The following RBBP7 variants were observed in gnomAD, a reference collection of about 807,000 sequenced individuals.
The protein encoded by RBBP7 is histone-binding protein RBBP7.
RBBP7 carries 5 observed loss-of-function variants against 35.2 expected under a neutral mutation model. The ratio of observed to expected loss-of-function variants is 0.14; its 90% CI spans 0.07 to 0.30. The LOEUF is 0.30. RBBP7 is among the 10% of genes least tolerant of loss of function. The probability of loss-of-function intolerance (pLI) is 1.00; values close to 1 mark genes in which losing one functional copy is unlikely to be tolerated. For missense variants in RBBP7, 155 were observed against 327.5 expected (o/e 0.47, Z 4.07); for synonymous variants, 140 against 118.7 (o/e 1.18, Z -1.17).
chrX:16,867,935 T>A (rs768654323), intron 2 of RBBP7, among the ~76,000 whole-genome samples: 1 of 110,336 alleles, frequency 9.1e-6, no homozygotes, highest in East Asian at 2.8e-4. Context: ...TCCGCCTGCC[T>A]CGGCCTCCCG....
chrX:16,860,414 C>T (rs1930442710), intron 3 of RBBP7, among the ~76,000 whole-genome samples: 1 of 111,088 alleles, frequency 9.0e-6, no homozygotes, highest in Non-Finnish European at 1.9e-5. Flanking sequence ...ATTGGCCGGG[C>T]GTGGTGGCTC....
In RBBP7 at chrX:16,853,587, C is replaced by T. The variant is rs1403492474; in HGVS notation, c.758+95G>A. On this transcript the variant is annotated intron_variant, in intron 6 of 11. Coordinates refer to ENST00000380087, the MANE Select transcript of RBBP7 (RefSeq NM_002893.4). ...CTAAAGCTGTTTTTTAAAGCCATAA[C>T]TTAAAAAAAAAAAATCAAACTACAG... 5.8e-6 allele frequency: 5 copies of T among 866,181 alleles called. No individual in the cohort carries two copies. The East Asian group carries it at 1.5e-4, about 26-fold the overall frequency. The allele number at this position is 866,181 out of a possible 1,213,427, so 71.4% of individuals were successfully genotyped here. A position where few individuals can be genotyped will look rare whatever the true frequency, so the allele number is the denominator to read the frequency against.
chrX:16,870,309 G>T lies in RBBP7; in HGVS notation c.-256C>A. On this transcript the variant is annotated 5_prime_UTR_variant, in exon 1 of 12. Coordinates refer to ENST00000380087, the MANE Select transcript of RBBP7 (RefSeq NM_002893.4). Reference sequence around the variant, plus strand: ...CTTGGAACGAGACTTTTCAACCCGCGCCTCCCAGCCCGCCCAGGCAGCTGA... The same window carrying T: ...CTTGGAACGAGACTTTTCAACCCGCTCCTCCCAGCCCGCCCAGGCAGCTGA... The T allele has an allele frequency of 4.2e-6, 1 of 237,040 alleles. No individual in the cohort carries two copies. Among genetic ancestry groups the T allele is most frequent in the Non-Finnish European group, 6.6e-6 (1 of 152,406 alleles). The allele number at this position is 237,040 out of a possible 1,213,427, so 19.5% of individuals were successfully genotyped here.
chrX:16,860,208 T>C lies in RBBP7; in HGVS notation c.308-1359A>G, dbSNP rs746798935. Among the ~76,000 whole-genome samples, 5 of 94,578 alleles carry C rather than the reference T, an allele frequency of 5.3e-5. No homozygotes were observed. The Admixed American group carries it at 6.5e-4, about 12-fold the overall frequency. 82.1% of individuals were successfully genotyped at this position (94,578 alleles called of 115,157 possible). A position where few individuals can be genotyped will look rare whatever the true frequency, so the allele number is the denominator to read the frequency against. On this transcript the variant is annotated intron_variant, in intron 3 of 11. Coordinates refer to ENST00000380087, the MANE Select transcript of RBBP7 (RefSeq NM_002893.4). ...CATGGACTCCAGTGGCTCTAACCCT[T>C]CTGCTACAAAGATACTCAAGTTTCC... is the stretch of plus-strand genomic sequence containing the variant.
At chrX:16,853,042 C>T (rs1269387509) in intron 6 of RBBP7, 167 bp from the exon 7 acceptor site, 3 of 769,228 alleles carry the variant, frequency 3.9e-6, no homozygotes, top group African/African-American at 2.1e-5. Context: ...ATGATACATT[C>T]GAAACCTACA....
At chrX:16,866,000 C>T (rs1310959207) in intron 2 of RBBP7, among the ~76,000 whole-genome samples, 1 of 111,782 alleles carries the variant, frequency 8.9e-6, no homozygotes, top group African/African-American at 3.3e-5. Context: ...TGCACTTCTA[C>T]ACGCTGGCAA....
At chrX:16,845,379 G>C (rs1260314188) in intron 11 of RBBP7, among the ~76,000 whole-genome samples, 2 of 112,115 alleles carry the variant, frequency 1.8e-5, no homozygotes, top group African/African-American at 6.5e-5. Flanking sequence ...ATCGTTTAGA[G>C]GAAGTGGTAG....
At chrX:16,851,663 G>C (rs1032195077) in intron 9 of RBBP7, among the ~76,000 whole-genome samples, 1 of 111,822 alleles carries the variant, frequency 8.9e-6, no homozygotes, top group African/African-American at 3.3e-5. Context: ...CAAAGTAAAT[G>C]GTACAAAAAC....
chrX:16,861,195 C>CA (rs1209379770), intron 3 of RBBP7, among the ~76,000 whole-genome samples: 2 of 111,914 alleles, frequency 1.8e-5, no homozygotes, highest in Admixed American at 1.9e-4. Flanking sequence ...AAACAAAACA[C>CA]AAAAAAACCC....
At chrX:16,846,027 T>C in intron 10 of RBBP7, 89 bp from the exon 11 acceptor site, 1 of 1,120,274 alleles carries the variant, frequency 8.9e-7, no homozygotes, top group Non-Finnish European at 1.2e-6. Context: ...GCTATCAGTA[T>C]TTCAACTGGG....
At chrX:16,860,778 G>GT (rs1930456524) in intron 3 of RBBP7, among the ~76,000 whole-genome samples, 1 of 111,352 alleles carries the variant, frequency 9.0e-6, no homozygotes, top group Non-Finnish European at 1.9e-5. Context: ...CACTGGATGT[G>GT]TAACTTTAAT....
chrX:16,850,217 T>G (rs55938758), intron 9 of RBBP7, among the ~76,000 whole-genome samples: 7,839 of 112,509 alleles, frequency 0.07, 283 homozygotes, highest in Non-Finnish European at 0.11. Context: ...ATTTTACAAT[T>G]TTTTGTAGAG....
chrX:16,861,096 C>T (rs1339133088), intron 3 of RBBP7, among the ~76,000 whole-genome samples: 6 of 111,707 alleles, frequency 5.4e-5, no homozygotes, highest in Non-Finnish European at 1.1e-4. Flanking sequence ...ATCACTTGAA[C>T]CCAGGAGGTG....
intron 6 of RBBP7, chrX:16,853,302 G>T: frequency 6.0e-6 from 1 of 166,832 alleles, no homozygotes; most frequent in Non-Finnish European, 1.1e-5. Context: ...CCTCCAACTG[G>T]CATCACTCTG....
chrX:16,865,504 T>A (rs1268806618), intron 2 of RBBP7, among the ~76,000 whole-genome samples: 4 of 111,916 alleles, frequency 3.6e-5, no homozygotes, highest in Non-Finnish European at 7.5e-5. Flanking sequence ...ATTATTCCAG[T>A]TTTCCCCAAC....
chrX:16,861,195 CA>C (rs1209379770), intron 3 of RBBP7, among the ~76,000 whole-genome samples: 1 of 111,914 alleles, frequency 8.9e-6, no homozygotes, highest in African/African-American at 3.2e-5. Context: ...AAACAAAACA[CA>C]AAAAAACCCC....
At chrX:16,857,282 T>A (rs1930374892) in intron 5 of RBBP7, among the ~76,000 whole-genome samples, 1 of 111,989 alleles carries the variant, frequency 8.9e-6, no homozygotes, top group Non-Finnish European at 1.9e-5. Flanking sequence ...TAAAAAATAC[T>A]TTATATTAAT....
intron 10 of RBBP7, 87 bp downstream of exon 10, chrX:16,849,157 C>G: frequency 1.1e-6 from 1 of 909,563 alleles, no homozygotes; most frequent in Non-Finnish European, 1.5e-6. Flanking sequence ...AGCTAGAATT[C>G]GAAGTTCTGA....
intron 5 of RBBP7, among the ~76,000 whole-genome samples, chrX:16,856,161 A>G (rs1379524378): frequency 9.0e-6 from 1 of 111,209 alleles, no homozygotes; most frequent in Non-Finnish European, 1.9e-5. Flanking sequence ...CTATTTCTCT[A>G]AAGGAGATAT....
Sources: gnomAD v4.1 joint callset for allele counts (sites outside exome capture counted in the v4.1 genomes callset) on GRCh38, gnomAD v4.1.1 for gene constraint, MANE v1.5 for transcripts, NCBI Gene and HGNC (gene_info 2026-07-23, HGNC 2026-07-21) for gene names.